TEX14: variants seen among roughly 807,000 people sequenced by gnomAD.
TEX14 encodes the protein testis expressed 14, intercellular bridge forming factor.
Under a neutral mutation model 178.6 loss-of-function variants are expected in TEX14, and 168 were observed. That is an observed-to-expected ratio of 0.94 (90% confidence interval 0.83 to 1.07). The LOEUF (loss-of-function observed/expected upper bound fraction) is 1.07. Ranked by LOEUF, TEX14 falls within the 50% of genes least tolerant of loss-of-function variation. TEX14 has a pLI of 0.00. For missense variants in TEX14, 1,730 were observed against 1,753.6 expected (o/e 0.99, Z 0.24); for synonymous variants, 626 against 634.1 (o/e 0.99, Z 0.19).
At chr17:58,623,119 G>C in intron 3 of TEX14, 107 bp from the exon 4 acceptor site, 1 of 992,006 alleles carries the variant, frequency 1.0e-6, no homozygotes, top group Non-Finnish European at 1.5e-6. Flanking sequence ...GGCAACGTTG[G>C]TGACGAGGAA....
chr17:58,615,518 C>T (rs1042582267), intron 7 of TEX14, among the ~76,000 whole-genome samples, 173 bp from the exon 8 acceptor site: 5 of 152,190 alleles, frequency 3.3e-5, no homozygotes, highest in Non-Finnish European at 7.3e-5. Flanking sequence ...TACTAAAGCA[C>T]CCTGGAGAAC....
At position 58,651,224 on chromosome 17, in the gene TEX14, G is replaced by C. The variant is rs113868390; in HGVS notation, c.136+642C>G. On this transcript the variant is annotated intron_variant, in intron 2 of 31. Transcript: ENST00000349033. ...CCCGTGGAGGTTGAGGCTGCAGTGA[G>C]CTGTGATCATGCTACTGCACTGCAT... Among the ~76,000 whole-genome samples the C allele has an allele frequency of 9.2e-3, 1,408 of 152,346 alleles. 25 individuals are homozygous for C. Among genetic ancestry groups the C allele is most frequent in the African/African-American group, 0.031 (1,302 of 41,596 alleles).
chr17:58,659,356 AC>A, intron 1 of TEX14: 5 of 982,044 alleles, frequency 5.1e-6, no homozygotes, highest in Non-Finnish European at 6.0e-6. Context: ...CACACAACAT[AC>A]TCATGGCAAA....
At chr17:58,625,028 GAGA>G (rs1255240974) in intron 3 of TEX14, among the ~76,000 whole-genome samples, 1 of 152,346 alleles carries the variant, frequency 6.6e-6, no homozygotes, top group Non-Finnish European at 1.5e-5. Context: ...CTGCTGGGCA[GAGA>G]AGCAGTCCAG....
intron 14 of TEX14, among the ~76,000 whole-genome samples, chr17:58,595,798 T>C (rs1278095457): frequency 2.0e-5 from 3 of 152,242 alleles, no homozygotes; most frequent in Non-Finnish European, 2.9e-5. Context: ...CACAGAATTG[T>C]GAGAAATAAT....
rs566564268 is a variant in TEX14 at position 58,556,917 on chromosome 17, G to A, written c.*94C>T. On this transcript the variant is annotated 3_prime_UTR_variant, in exon 32 of 32. Coordinates refer to ENST00000349033, the MANE Select transcript of TEX14 (RefSeq NM_031272.5). ...TGAGACTTACAGAACTGGAACTGCT[G>A]CCCTGACAGCAACTGAAGCAGAAAG... 9.2e-5 allele frequency: 95 copies of A among 1,031,036 alleles called. No individual in the cohort carries two copies. The East Asian group carries it at 2.1e-3, about 22-fold the overall frequency. 63.9% of individuals were successfully genotyped at this position (1,031,036 alleles called of 1,614,324 possible). A position where few individuals can be genotyped will look rare whatever the true frequency, so the allele number is the denominator to read the frequency against.
intron 11 of TEX14, 82 bp from the exon 12 acceptor site, chr17:58,602,672 G>C: frequency 8.9e-7 from 1 of 1,127,662 alleles, no homozygotes; most frequent in East Asian, 2.4e-5. Context: ...ATGAAGCTGG[G>C]TAACCTTAGG....
At chr17:58,650,309 C>A (rs1358896506) in intron 2 of TEX14, among the ~76,000 whole-genome samples, 1 of 152,172 alleles carries the variant, frequency 6.6e-6, no homozygotes, top group Non-Finnish European at 1.5e-5. Context: ...TCCTTGGCCT[C>A]CCAAAGTGCT....
At chr17:58,602,643 T>C (rs767982632) in intron 11 of TEX14, 53 bp from the exon 12 acceptor site, 6 of 1,460,740 alleles carry the variant, frequency 4.1e-6, no homozygotes, top group African/African-American at 1.4e-5. Context: ...AAGAGTGGAG[T>C]GGGGGGAAAA....
At chr17:58,650,903 C>G (rs1274983508) in intron 2 of TEX14, among the ~76,000 whole-genome samples, 1 of 152,196 alleles carries the variant, frequency 6.6e-6, no homozygotes, top group African/African-American at 2.4e-5. Flanking sequence ...TTCCACAAAT[C>G]AGCAAAGAAA....
At chr17:58,684,264 C>G (rs2047553535) in intron 1 of TEX14, among the ~76,000 whole-genome samples, 1 of 151,358 alleles carries the variant, frequency 6.6e-6, no homozygotes, top group Non-Finnish European at 1.5e-5. Flanking sequence ...GAGCATGAGA[C>G]CAGCCTGACC....
At chr17:58,588,242 G>A (rs541512864) in intron 15 of TEX14, among the ~76,000 whole-genome samples, 1 of 152,114 alleles carries the variant, frequency 6.6e-6, no homozygotes, top group Non-Finnish European at 1.5e-5. Context: ...TTCTGCTCCT[G>A]CCCGTCCATC....
In TEX14 at chr17:58,602,695, CTTCT is replaced by C. The variant is rs200099396; in HGVS notation, c.1337-109_1337-106del. The C allele has an allele frequency of 2.1e-3, 1,686 of 800,636 alleles. 48 individuals carry two copies. The East Asian group carries it at 0.043, about 21-fold the overall frequency. 49.6% of individuals were successfully genotyped at this position (800,636 alleles called of 1,614,324 possible). A position where few individuals can be genotyped will look rare whatever the true frequency, so the allele number is the denominator to read the frequency against. On this transcript the variant is annotated intron_variant, in intron 11 of 31. Coordinates refer to ENST00000349033, the MANE Select transcript of TEX14 (RefSeq NM_031272.5). Reference sequence around the variant, plus strand: ...GGGTAACCTTAGGCAAGTCACTTAACTTCTTTATTTTTTTTTCTAATCCACTGTA... The same window carrying C: ...GGGTAACCTTAGGCAAGTCACTTAACTTATTTTTTTTTCTAATCCACTGTA...
intron 1 of TEX14, among the ~76,000 whole-genome samples, chr17:58,685,601 T>TGGGAAAGAGGAAAAGGAAGAA: frequency 6.7e-6 from 1 of 150,340 alleles, no homozygotes; most frequent in East Asian, 2.0e-4. Context: ...AGGAAGCAAA[T>TGGGAAAGAGGAAAAGGAAGAA]GGGAAAGAGG....
intron 9 of TEX14, 124 bp downstream of exon 9, chr17:58,613,297 A>C: frequency 8.0e-7 from 1 of 1,252,582 alleles, no homozygotes; most frequent in Non-Finnish European, 1.1e-6. Context: ...CCTATAAAGC[A>C]AAAGAATAAA....
At chr17:58,573,741 A>T (rs2144369415) in intron 22 of TEX14, among the ~76,000 whole-genome samples, 1 of 152,110 alleles carries the variant, frequency 6.6e-6, no homozygotes, top group South Asian at 2.1e-4. Flanking sequence ...CTGGTCACGA[A>T]CTCCTGATCT....
intron 1 of TEX14, among the ~76,000 whole-genome samples, chr17:58,656,544 G>C (rs1005039878): frequency 1.3e-5 from 2 of 151,604 alleles, no homozygotes; most frequent in African/African-American, 2.4e-5. Context: ...TCATGAGGTC[G>C]GGAGTTCGAG....
chr17:58,656,469 C>A (rs2046963571), intron 1 of TEX14, among the ~76,000 whole-genome samples: 1 of 148,650 alleles, frequency 6.7e-6, no homozygotes, highest in East Asian at 2.0e-4. Flanking sequence ...AAACAAAAAC[C>A]AAAAGGCTGG....
intron 19 of TEX14, 64 bp from the exon 20 acceptor site, chr17:58,579,795 C>T: frequency 1.6e-6 from 2 of 1,270,282 alleles, no homozygotes; most frequent in South Asian, 2.5e-5. Context: ...ATTAAAAGGT[C>T]AATAATTTCT....
Sources: allele counts gnomAD v4.1 joint callset (sites outside exome capture counted in the v4.1 genomes callset), GRCh38; gene constraint gnomAD v4.1.1; transcripts MANE v1.5; gene names NCBI Gene and HGNC (gene_info 2026-07-23, HGNC 2026-07-21).